Variants in FBXL20 observed in about 807,000 individuals in gnomAD.
FBXL20 encodes the protein F-box and leucine rich repeat protein 20.
Under a neutral mutation model 64.0 loss-of-function variants are expected in FBXL20, and 11 were observed. That is an observed-to-expected ratio of 0.17 (90% CI 0.11 to 0.28). The LOEUF (loss-of-function observed/expected upper bound fraction) is 0.28, where lower values mean the gene tolerates loss of function less well. Among genes scored for constraint, FBXL20 ranks in the 10% least tolerant of loss-of-function variants. FBXL20 has a pLI of 1.00. For missense variants in FBXL20, 303 were observed against 526.2 expected (o/e 0.58, Z 4.15); for synonymous variants, 184 against 189.0 (o/e 0.97, Z 0.22).
In FBXL20 at chr17:39,256,576, C is replaced by T. The variant is rs57933226; in HGVS notation, c.*4884G>A. ...AGAGAGGCAATCTTTTTGTAAAATG[C>T]TTCAGAGCTCAAACATATGATTGAG... On this transcript the variant is annotated 3_prime_UTR_variant, in exon 15 of 15. Coordinates refer to ENST00000264658, the MANE Select transcript of FBXL20 (RefSeq NM_032875.3). The T allele has an allele frequency of 0.73, 111,498 of 152,020 alleles. 42,861 individuals carry two copies. Among genetic ancestry groups the T allele is most frequent in the South Asian group, 0.92 (4,413 of 4,806 alleles). The allele number at this position is 152,020 out of a possible 1,614,324, so 9.4% of individuals were successfully genotyped here. A position where few individuals can be genotyped will look rare whatever the true frequency, so the allele number is the denominator to read the frequency against.
chr17:39,365,834 G>T (rs2047854256), intron 1 of FBXL20, among the ~76,000 whole-genome samples: 1 of 152,028 alleles, frequency 6.6e-6, no homozygotes, highest in Non-Finnish European at 1.5e-5. Context: ...AACTTCTTTT[G>T]AAGTTATGAA....
intron 5 of FBXL20, 121 bp from the exon 6 acceptor site, chr17:39,297,316 T>TA: frequency 1.9e-6 from 1 of 525,662 alleles, no homozygotes; most frequent in Non-Finnish European, 3.3e-6. Context: ...TACTGTGATA[T>TA]AAAGGAAAAA....
chr17:39,285,981 C>G (rs940489951), intron 6 of FBXL20, among the ~76,000 whole-genome samples: 1 of 152,160 alleles, frequency 6.6e-6, no homozygotes, highest in Non-Finnish European at 1.5e-5. Context: ...ACTTAAATCC[C>G]TACTCAAGAT....
intron 2 of FBXL20, among the ~76,000 whole-genome samples, chr17:39,319,797 A>G (rs2047336770): frequency 6.6e-6 from 1 of 151,706 alleles, no homozygotes. Context: ...TTTTTAAAAT[A>G]GAGACCGGGT....
At chr17:39,279,397 G>A (rs143808439) in intron 9 of FBXL20, among the ~76,000 whole-genome samples, 1,998 of 151,880 alleles carry the variant, frequency 0.013, 22 homozygotes, top group Middle Eastern at 0.034. Flanking sequence ...TACTCAGAAG[G>A]CTGAGGTGGA....
At position 39,270,876 on chromosome 17, in the gene FBXL20, AAC is replaced by A. The variant is rs2046837771; in HGVS notation, c.828-22_828-21del. 6.6e-7 allele frequency: 1 copy of A among 1,524,018 alleles called. No individual in the cohort carries two copies. The allele number at this position is 1,524,018 out of a possible 1,614,324, so 94.4% of individuals were successfully genotyped here. The stretch of plus-strand genomic sequence containing the variant: ...AATATTCTGTTAAAAAAAAAAAAAA[AAC>A]AGTGAAAGTCAAGCTCTTGGTCCCT... On this transcript the variant is annotated intron_variant, in intron 10 of 14. Transcript: ENST00000264658.
intron 1 of FBXL20, among the ~76,000 whole-genome samples, chr17:39,383,525 G>T (rs1339910020): frequency 6.6e-6 from 1 of 151,110 alleles, no homozygotes; most frequent in African/African-American, 2.4e-5. Context: ...TTGAAGTACA[G>T]AGTAGAATGA....
At chr17:39,395,190 C>T (rs919213846) in intron 1 of FBXL20, among the ~76,000 whole-genome samples, 3 of 152,006 alleles carry the variant, frequency 2.0e-5, no homozygotes, top group African/African-American at 7.3e-5. Context: ...TTTGGGAGGC[C>T]GAGGTGGGCA....
intron 2 of FBXL20, among the ~76,000 whole-genome samples, chr17:39,305,759 G>C (rs2047175837): frequency 6.6e-6 from 1 of 152,070 alleles, no homozygotes; most frequent in Admixed American, 6.6e-5. Flanking sequence ...GCTGAGGTGG[G>C]TGGGTCATCT....
At chr17:39,272,835 T>C (rs887217034) in intron 10 of FBXL20, among the ~76,000 whole-genome samples, 4 of 152,142 alleles carry the variant, frequency 2.6e-5, no homozygotes, top group African/African-American at 9.7e-5. Context: ...GCTTTTCCAT[T>C]CTAACAATGT....
chr17:39,367,644 T>C lies in FBXL20; in HGVS notation c.43-24403A>G, dbSNP rs1020739419. ...TCTTTAATTTGTTAAATAATTTTTC[T>C]CCTATATCCAAATTGCTTTGACTTT... On this transcript the variant is annotated intron_variant, in intron 1 of 14. Coordinates refer to ENST00000264658, the MANE Select transcript of FBXL20 (RefSeq NM_032875.3). 7.9e-5 allele frequency among the ~76,000 whole-genome samples: 12 copies of C among 152,218 alleles called. No homozygotes were observed. The South Asian group carries it at 1.0e-3, about 13-fold the overall frequency.
At chr17:39,332,422 G>C (rs1597802352) in intron 2 of FBXL20, among the ~76,000 whole-genome samples, 1 of 152,014 alleles carries the variant, frequency 6.6e-6, no homozygotes, top group Non-Finnish European at 1.5e-5. Context: ...TGCTCCTGGA[G>C]GAATTAAGTG....
chr17:39,315,866 A>AGAGAGAGCGC (rs1167410862), intron 2 of FBXL20, among the ~76,000 whole-genome samples: 1 of 132,656 alleles, frequency 7.5e-6, no homozygotes, highest in African/African-American at 3.1e-5. Flanking sequence ...AGAGAGAGAG[A>AGAGAGAGCGC]GAGAGCAACT....
intron 2 of FBXL20, among the ~76,000 whole-genome samples, chr17:39,315,847 G>GAGAGAC (rs1444223426): frequency 3.1e-5 from 3 of 97,248 alleles, no homozygotes; most frequent in Non-Finnish European, 6.3e-5. Context: ...GAGAGAGAGA[G>GAGAGAC]AGAGAGAGAG....
At chr17:39,337,641 T>G (rs2047538362) in intron 2 of FBXL20, among the ~76,000 whole-genome samples, 1 of 144,606 alleles carries the variant, frequency 6.9e-6, no homozygotes. Context: ...GGCCGCCCCG[T>G]CTGAGAAATG....
Position 39,261,581 on chromosome 17 carries a change from G to GA in FBXL20, c.1204-15dup, listed in dbSNP as rs1332998588. On this transcript the variant is annotated splice_polypyrimidine_tract_variant and intron_variant, in intron 14 of 14. Transcript: ENST00000264658. ...GGGTAAATGGGTCTGAAACAAGACA[G>GA]AAACATTAAACGTTTAAGAGAGGGC... 6.3e-7 allele frequency: 1 copy of GA among 1,582,786 alleles called. No homozygotes were observed. Among genetic ancestry groups the GA allele is most frequent in the Non-Finnish European group, 8.7e-7 (1 of 1,154,458 alleles).
chr17:39,332,851 T>C (rs1007059501), intron 2 of FBXL20, among the ~76,000 whole-genome samples: 1 of 152,154 alleles, frequency 6.6e-6, no homozygotes, highest in Non-Finnish European at 1.5e-5. Context: ...GTATCCTTTC[T>C]TATAATAAAC....
chr17:39,270,893 T>C, intron 10 of FBXL20, 37 bp from the exon 11 acceptor site: 5 of 1,513,736 alleles, frequency 3.3e-6, no homozygotes, highest in Admixed American at 2.0e-5. Context: ...AAAGTCAAGC[T>C]CTTGGTCCCT....
At chr17:39,290,379 C>T (rs976731055) in intron 6 of FBXL20, among the ~76,000 whole-genome samples, 1 of 152,006 alleles carries the variant, frequency 6.6e-6, no homozygotes, top group Non-Finnish European at 1.5e-5. Flanking sequence ...ATAATCCTTC[C>T]TCTATTGCAT....
Sources: allele counts gnomAD v4.1 joint callset (sites outside exome capture counted in the v4.1 genomes callset), GRCh38; gene constraint gnomAD v4.1.1; transcripts MANE v1.5; gene names NCBI Gene and HGNC (gene_info 2026-07-23, HGNC 2026-07-21).